TFDP2: variants seen among roughly 807,000 people sequenced by gnomAD.
TFDP2 encodes transcription factor Dp-2, also known as transcription factor Dp-2 (E2F dimerization partner 2).
In TFDP2, 17 loss-of-function variants were observed where a neutral mutation model predicts 59.3. The observed-to-expected ratio is 0.29, with a 90% CI of 0.20 to 0.43. The LOEUF (loss-of-function observed/expected upper bound fraction) is 0.43, where lower values mean the gene tolerates loss of function less well. Ranked by LOEUF, TFDP2 falls within the 20% of genes least tolerant of loss-of-function variation. The pLI, the probability that TFDP2 is intolerant of heterozygous loss-of-function variation, is 1.00. For synonymous variants in TFDP2, 180 were observed against 194.7 expected (o/e 0.92, Z 0.63); for missense variants, 391 against 528.8 (o/e 0.74, Z 2.56).
intron 3 of TFDP2, among the ~76,000 whole-genome samples, chr3:142,081,165 C>T (rs2060626756): frequency 6.6e-6 from 1 of 152,036 alleles, no homozygotes; most frequent in African/African-American, 2.4e-5. Flanking sequence ...TAAAACTAGA[C>T]ATCAATAACA....
In TFDP2 at chr3:141,951,519, T is replaced by C. The variant is rs1211060644; in HGVS notation, c.*994A>G. The C allele has an allele frequency of 6.6e-6, 1 of 152,662 alleles. No homozygotes were observed. Among genetic ancestry groups the C allele is most frequent in the African/African-American group, 2.4e-5 (1 of 41,464 alleles). The allele number at this position is 152,662 out of a possible 1,614,324, so 9.5% of individuals were successfully genotyped here. A position where few individuals can be genotyped will look rare whatever the true frequency, so the allele number is the denominator to read the frequency against. ...CAAGGAAACACTGCTGTTCATATTC[T>C]TGAAATAGACTTTTCTTTAAGACAA... On this transcript the variant is annotated 3_prime_UTR_variant, in exon 13 of 13. Transcript: ENST00000489671.
intron 3 of TFDP2, among the ~76,000 whole-genome samples, chr3:142,041,522 C>T (rs1046805600): frequency 6.6e-6 from 1 of 152,232 alleles, no homozygotes; most frequent in African/African-American, 2.4e-5. Context: ...TAAGACGTGA[C>T]TTTGTTCCTC....
intron 8 of TFDP2, among the ~76,000 whole-genome samples, chr3:141,973,683 CTTTTT>C (rs200088518): frequency 7.5e-6 from 1 of 132,610 alleles, no homozygotes; most frequent in Non-Finnish European, 1.6e-5. Flanking sequence ...CGGCTTGATC[CTTTTT>C]TTTTTTTTTT....
Position 141,953,014 on chromosome 3 carries a change from T to G in TFDP2, c.1054A>C (p.Ile352Leu). 2 of 1,610,362 alleles carry G rather than the reference T, an allele frequency of 1.2e-6. No individual in the cohort carries two copies. The highest frequency in any genetic ancestry group is 1.7e-6 in the Non-Finnish European group (2 of 1,177,386). ...PKALEGYITD[I>L]STGPSWLNQG... ...TTTAACCAAGAAGGTCCTGTGGAGATATCTAAAGGAAAAAATGAGAACAAA... is the reference window on the plus strand; with the variant it reads ...TTTAACCAAGAAGGTCCTGTGGAGAGATCTAAAGGAAAAAATGAGAACAAA... Residue 352 changes from isoleucine (I) to leucine (L), a missense_variant and splice_region_variant, in exon 12 of 13, where the codon ATC becomes CTC. By Grantham distance (5) the Ile-to-Leu change is conservative. This residue lies in a region of TFDP2 where 223 missense variants were observed against 292.5 expected (regional missense o/e 0.76). Coordinates refer to ENST00000489671, the MANE Select transcript of TFDP2 (RefSeq NM_001178139.2).
At chr3:142,117,192 A>G (rs1337018468) in intron 1 of TFDP2, among the ~76,000 whole-genome samples, 2 of 152,146 alleles carry the variant, frequency 1.3e-5, no homozygotes, top group Non-Finnish European at 2.9e-5. Flanking sequence ...AATTGCTGGG[A>G]TTACAGGCAT....
intron 1 of TFDP2, chr3:142,145,321 T>C (rs375624373): frequency 1.3e-5 from 2 of 152,148 alleles, no homozygotes; most frequent in African/African-American, 4.8e-5. Context: ...CAGAAAAATG[T>C]AGTACTCGTG....
At chr3:142,035,249 G>A (rs1312285996) in intron 3 of TFDP2, among the ~76,000 whole-genome samples, 4 of 152,126 alleles carry the variant, frequency 2.6e-5, no homozygotes, top group Non-Finnish European at 5.9e-5. Context: ...TGGAACATAT[G>A]GATTCCTGCT....
At chr3:142,144,394 G>C (rs972403022) in intron 1 of TFDP2, among the ~76,000 whole-genome samples, 1 of 151,572 alleles carries the variant, frequency 6.6e-6, no homozygotes, top group Non-Finnish European at 1.5e-5. Context: ...CGGGGCAGCA[G>C]GGGTGGAGGG....
Position 142,005,682 on chromosome 3 carries a change from C to T in TFDP2, c.83-138G>A, listed in dbSNP as rs1944151276. On this transcript the variant is annotated intron_variant, in intron 3 of 12. Transcript: ENST00000489671. ...TAGGAAGCATATTATGAACAAAATA[C>T]ACCTTACTGAAAAGTCATACTAATG... 2.6e-5 allele frequency: 14 copies of T among 538,960 alleles called. 1 individual carries two copies. The South Asian group carries it at 4.4e-4, about 17-fold the overall frequency. The allele number at this position is 538,960 out of a possible 1,614,324, so 33.4% of individuals were successfully genotyped here.
chr3:142,087,502 TC>T (rs1470107769), intron 3 of TFDP2, among the ~76,000 whole-genome samples: 1 of 149,424 alleles, frequency 6.7e-6, no homozygotes. Flanking sequence ...ATACTTCTTT[TC>T]TTTTTTTTTT....
At chr3:142,059,029 T>A (rs2059832609) in intron 3 of TFDP2, among the ~76,000 whole-genome samples, 1 of 152,174 alleles carries the variant, frequency 6.6e-6, no homozygotes, top group South Asian at 2.1e-4. Context: ...CTTTGGAGAT[T>A]CAAAGGGCTT....
intron 1 of TFDP2, among the ~76,000 whole-genome samples, chr3:142,141,553 G>A (rs940370837): frequency 6.6e-6 from 1 of 152,124 alleles, no homozygotes; most frequent in African/African-American, 2.4e-5. Flanking sequence ...GGCCAGGTGT[G>A]GTGGGTTAAG....
At chr3:142,088,613 CTTTTT>C (rs112767886) in intron 3 of TFDP2, among the ~76,000 whole-genome samples, 1 of 124,022 alleles carries the variant, frequency 8.1e-6, no homozygotes, top group African/African-American at 3.2e-5. Flanking sequence ...TTTTTTTTTT[CTTTTT>C]TTTTTTTTTT....
At position 141,995,109 on chromosome 3, in the gene TFDP2, T is replaced by C; in HGVS notation, c.219A>G (p.Ser73=). The change falls in exon 5 of 13, where the codon TCA becomes TCG. Residue 73 remains serine, a synonymous_variant. Transcript: ENST00000489671. The part of the protein sequence containing the change: ...IISTPQRLTS[S]GSVLIGSPYT... ...ATGGACTCCCAATCAGAACACTTCC[T>C]GAACTGGTTAGTCTCTGTGGTGTGC... 6.2e-7 allele frequency: 1 copy of C among 1,609,982 alleles called. No homozygotes were observed. The highest frequency in any genetic ancestry group is 8.5e-7 in the Non-Finnish European group (1 of 1,177,778).
chr3:142,028,971 T>A (rs1560061549), intron 3 of TFDP2: 1 of 152,754 alleles, frequency 6.5e-6, no homozygotes, highest in East Asian at 1.9e-4. Flanking sequence ...AAGGGTGAAA[T>A]AACTACAAGT....
chr3:141,955,419 T>C (rs961087097), intron 11 of TFDP2, among the ~76,000 whole-genome samples: 21 of 152,200 alleles, frequency 1.4e-4, no homozygotes, highest in African/African-American at 4.8e-4. Flanking sequence ...TGGTGATTTA[T>C]TGAGTAAGCC....
intron 3 of TFDP2, among the ~76,000 whole-genome samples, chr3:142,072,350 AC>A (rs916318081): frequency 9.9e-5 from 15 of 152,218 alleles, no homozygotes; most frequent in Non-Finnish European, 1.6e-4. Flanking sequence ...AACCAAGATT[AC>A]ATTTTAGTCC....
At chr3:142,032,152 A>G in intron 3 of TFDP2, among the ~76,000 whole-genome samples, 1 of 148,614 alleles carries the variant, frequency 6.7e-6, no homozygotes, top group Non-Finnish European at 1.5e-5. Context: ...GCTGGAGTTG[A>G]TGTGCAGTGG....
rs190485044 is a variant in TFDP2, at chr3:141,979,561, G to C, written c.357-879C>G. ...GGAGGACAGTGATATTGATGATCTT[G>C]ACCCCCCTGTAGGCCTAGGATAGTG... On this transcript the variant is annotated intron_variant, in intron 6 of 12. Coordinates refer to ENST00000489671, the MANE Select transcript of TFDP2 (RefSeq NM_001178139.2). Among the ~76,000 whole-genome samples, 306 of 152,166 alleles carry C rather than the reference G, an allele frequency of 2.0e-3. 1 individual carries two copies. The highest frequency in any genetic ancestry group is 3.2e-3 in the Admixed American group (49 of 15,278).
Sources: allele counts gnomAD v4.1 joint callset (sites outside exome capture counted in the v4.1 genomes callset), GRCh38; gene constraint gnomAD v4.1.1; regional missense constraint gnomAD v4.1.1; transcripts MANE v1.5; gene names NCBI Gene and HGNC (gene_info 2026-07-23, HGNC 2026-07-21).